Variants in SLC30A4 observed in about 807,000 individuals in gnomAD.
SLC30A4 encodes the protein probable proton-coupled zinc antiporter SLC30A4.
SLC30A4 carries 20 observed loss-of-function variants against 41.7 expected under a neutral mutation model. That is an observed-to-expected ratio of 0.48 (90% CI 0.34 to 0.70). The LOEUF is 0.70. SLC30A4 is among the 30% of genes least tolerant of loss of function. The probability of loss-of-function intolerance (pLI) is 0.01; values close to 1 mark genes in which losing one functional copy is unlikely to be tolerated. For missense variants in SLC30A4, 441 were observed against 529.3 expected (o/e 0.83, Z 1.64); for synonymous variants, 181 against 195.9 (o/e 0.92, Z 0.64).
intron 3 of SLC30A4, among the ~76,000 whole-genome samples, chr15:45,498,862 T>C (rs550563318): frequency 6.6e-6 from 1 of 152,302 alleles, no homozygotes; most frequent in South Asian, 2.1e-4. Flanking sequence ...TTTTTGGCTG[T>C]GTGTTTGCGG....
At chr15:45,493,234 T>C (rs1891845111) in intron 3 of SLC30A4, among the ~76,000 whole-genome samples, 2 of 152,174 alleles carry the variant, frequency 1.3e-5, no homozygotes, top group Non-Finnish European at 2.9e-5. Flanking sequence ...ATCACACCAC[T>C]GCACTTCAGC....
chr15:45,501,381 T>C (rs1267616185), intron 3 of SLC30A4, among the ~76,000 whole-genome samples: 1 of 152,190 alleles, frequency 6.6e-6, no homozygotes, highest in Admixed American at 6.5e-5. Flanking sequence ...ACCACTACTC[T>C]GAGTTTGGTA....
chr15:45,488,092 A>G (rs1891743355), intron 5 of SLC30A4, among the ~76,000 whole-genome samples: 1 of 152,034 alleles, frequency 6.6e-6, no homozygotes, highest in Admixed American at 6.6e-5. Context: ...AGCTCTGGAA[A>G]AAGTTTTAGC....
rs1054722698 is a variant in SLC30A4 at position 45,484,275 on chromosome 15, G to A, written c.*888C>T. 3 of 152,160 alleles carry A rather than the reference G, an allele frequency of 2.0e-5. No individual in the cohort carries two copies. The highest frequency in any genetic ancestry group is 4.4e-5 in the Non-Finnish European group (3 of 68,026). The allele number at this position is 152,160 out of a possible 1,614,324, so 9.4% of individuals were successfully genotyped here. A position where few individuals can be genotyped will look rare whatever the true frequency, so the allele number is the denominator to read the frequency against. ...GTTCTTAAAGGGACAGAAGATTACT[G>A]TTTACATTTTGCAGTCTCTTGCTTT... is the stretch of plus-strand genomic sequence containing the variant. On this transcript the variant is annotated 3_prime_UTR_variant, in exon 8 of 8. Transcript: ENST00000261867.
chr15:45,485,103 A>T lies in SLC30A4; in HGVS notation c.*60T>A. 1 of 1,368,438 alleles carries T rather than the reference A, an allele frequency of 7.3e-7. No individual in the cohort carries two copies. Among genetic ancestry groups the T allele is most frequent in the Non-Finnish European group, 1.0e-6 (1 of 979,514 alleles). 84.8% of individuals were successfully genotyped at this position (1,368,438 alleles called of 1,614,324 possible). ...CATTTTCTCATTTAGGTTTGCATTT[A>T]TTGCTCTCAAGTCTGTGACTGCAGG... is the stretch of plus-strand genomic sequence containing the variant. On this transcript the variant is annotated 3_prime_UTR_variant, in exon 8 of 8. Coordinates refer to ENST00000261867, the MANE Select transcript of SLC30A4 (RefSeq NM_013309.6).
At chr15:45,521,880 T>C in intron 2 of SLC30A4, 84 bp downstream of exon 2, 1 of 1,408,270 alleles carries the variant, frequency 7.1e-7, no homozygotes, top group Non-Finnish European at 9.7e-7. Context: ...AAAGATGGGT[T>C]AAACCTCAAA....
intron 3 of SLC30A4, chr15:45,497,300 C>T (rs972716286): frequency 6.6e-6 from 1 of 152,116 alleles, no homozygotes; most frequent in Non-Finnish European, 1.5e-5. Context: ...AAATTCCTGA[C>T]CTCAGGTGAT....
chr15:45,484,893 T>C lies in SLC30A4; in HGVS notation c.*270A>G, dbSNP rs1389716417. The C allele has an allele frequency of 2.7e-6, 1 of 364,112 alleles. No individual in the cohort carries two copies. Among genetic ancestry groups the C allele is most frequent in the Non-Finnish European group, 4.9e-6 (1 of 204,056 alleles). 22.6% of individuals were successfully genotyped at this position (364,112 alleles called of 1,614,324 possible). A position where few individuals can be genotyped will look rare whatever the true frequency, so the allele number is the denominator to read the frequency against. ...TCTGTCAAGTTAATGAAGTATGATC[T>C]TGGATTGTCTTCTATGAGGTATCTG... is the stretch of plus-strand genomic sequence containing the variant. On this transcript the variant is annotated 3_prime_UTR_variant, in exon 8 of 8. Transcript: ENST00000261867.
rs999253037 is a variant in SLC30A4 at position 45,500,510 on chromosome 15, A to T, written c.539-9629T>A. On this transcript the variant is annotated intron_variant, in intron 3 of 7. Transcript: ENST00000261867. ...GGATCAGCCCCTCACTGAGATAAGG[A>T]AGAAAAAATTCCCTTCTGACAAATT... is the stretch of plus-strand genomic sequence containing the variant. 2.6e-5 allele frequency among the ~76,000 whole-genome samples: 4 copies of T among 152,248 alleles called. No individual in the cohort carries two copies. The East Asian group carries it at 7.7e-4, about 29-fold the overall frequency.
At chr15:45,509,667 T>G (rs1892239088) in intron 3 of SLC30A4, among the ~76,000 whole-genome samples, 1 of 152,164 alleles carries the variant, frequency 6.6e-6, no homozygotes, top group Non-Finnish European at 1.5e-5. Flanking sequence ...TGCTAGATAA[T>G]TTTCCAACCT....
intron 3 of SLC30A4, 85 bp downstream of exon 3, chr15:45,511,053 G>T: frequency 9.7e-7 from 1 of 1,030,516 alleles, no homozygotes; most frequent in Non-Finnish European, 1.4e-6. Context: ...AGATATCACT[G>T]GAACGAGTTC....
chr15:45,507,686 C>T (rs1441843750), intron 3 of SLC30A4, among the ~76,000 whole-genome samples: 1 of 151,936 alleles, frequency 6.6e-6, no homozygotes, highest in Non-Finnish European at 1.5e-5. Flanking sequence ...CAGGGTTTCA[C>T]CATGTTGGCT....
At position 45,521,956 on chromosome 15, in the gene SLC30A4, C is replaced by CA; in HGVS notation, c.391+7dup. The CA allele has an allele frequency of 6.2e-7, 1 of 1,608,568 alleles. No individual in the cohort carries two copies. Among genetic ancestry groups the CA allele is most frequent in the Non-Finnish European group, 8.5e-7 (1 of 1,175,824 alleles). On this transcript the variant is annotated splice_region_variant and intron_variant, in intron 2 of 7. Coordinates refer to ENST00000261867, the MANE Select transcript of SLC30A4 (RefSeq NM_013309.6). ...GTAAACGGAAAGTGAGTTGGCAACA[C>CA]AACTCACCTACAAGTTCTCCAATCA...
chr15:45,522,081 C>T lies in SLC30A4; in HGVS notation c.274G>A (p.Val92Met), dbSNP rs1892685987. The change falls in exon 2 of 8, where the codon GTG becomes ATG. Residue 92 changes from valine to methionine, a missense_variant. Val to Met is a conservative substitution (Grantham distance 21). This residue lies in a region of SLC30A4 where 312 missense variants were observed against 341.9 expected (regional missense o/e 0.91). Transcript: ENST00000261867. The stretch of plus-strand genomic sequence containing the variant: ...TTGCTGCAGTTGTCACAGGAGTCCA[C>T]CTTCAAACTCAGCTGACTGTTGGTC... ...PLTNSQLSLK[V>M]DSCDNCSKQR... 1.2e-6 allele frequency: 2 copies of T among 1,614,228 alleles called. No homozygotes were observed. Among genetic ancestry groups the T allele is most frequent in the Non-Finnish European group, 1.7e-6 (2 of 1,180,040 alleles).
chr15:45,517,932 A>G (rs1892540082), intron 2 of SLC30A4, among the ~76,000 whole-genome samples: 1 of 152,220 alleles, frequency 6.6e-6, no homozygotes, highest in African/African-American at 2.4e-5. Context: ...TGGGCGAAAG[A>G]GCGAGACTCC....
At chr15:45,506,052 CAA>C (rs892355951) in intron 3 of SLC30A4, among the ~76,000 whole-genome samples, 1 of 151,864 alleles carries the variant, frequency 6.6e-6, no homozygotes, top group African/African-American at 2.4e-5. Context: ...ACAAAAAATA[CAA>C]AAGTTAGCCA....
chr15:45,517,807 G>A (rs954271994), intron 2 of SLC30A4, among the ~76,000 whole-genome samples: 1 of 151,982 alleles, frequency 6.6e-6, no homozygotes, highest in African/African-American at 2.4e-5. Flanking sequence ...TATTAGCTAG[G>A]CGCGGTGGGG....
At chr15:45,491,093 G>T (rs184765662) in intron 3 of SLC30A4, among the ~76,000 whole-genome samples, 5 of 152,078 alleles carry the variant, frequency 3.3e-5, no homozygotes, top group Admixed American at 1.3e-4. Flanking sequence ...ATCATGCATG[G>T]TTCACTGCAG....
In SLC30A4 at chr15:45,487,994, T is replaced by C. The variant is rs1470014170; in HGVS notation, c.895-362A>G. Among the ~76,000 whole-genome samples the C allele has an allele frequency of 1.5e-4, 22 of 146,812 alleles. No individual in the cohort carries two copies. The South Asian group carries it at 4.4e-3, about 29-fold the overall frequency. Reference sequence around the variant, plus strand: ...GTGTGTGTGTGTGTGTGTGTGTGTGTGTGTGTGTTGCCCAGGTTGCTCTTG... The same window carrying C: ...GTGTGTGTGTGTGTGTGTGTGTGTGCGTGTGTGTTGCCCAGGTTGCTCTTG... On this transcript the variant is annotated intron_variant, in intron 5 of 7. Transcript: ENST00000261867.
Sources: gnomAD v4.1 joint callset for allele counts (sites outside exome capture counted in the v4.1 genomes callset) on GRCh38, gnomAD v4.1.1 for gene constraint, gnomAD v4.1.1 regional missense constraint, MANE v1.5 for transcripts, NCBI Gene and HGNC (gene_info 2026-07-23, HGNC 2026-07-21) for gene names.